B3GLCT: variants seen among roughly 807,000 people sequenced by gnomAD.
B3GLCT encodes the protein beta-1,3-glucosyltransferase.
In B3GLCT, 65 loss-of-function variants were observed where a neutral mutation model predicts 63.4. The ratio of observed to expected loss-of-function variants is 1.03; its 90% CI spans 0.84 to 1.26. The LOEUF (loss-of-function observed/expected upper bound fraction) is 1.26, where lower values mean the gene tolerates loss of function less well. B3GLCT is among the 50% of genes most tolerant of loss of function. The probability of loss-of-function intolerance (pLI) is 0.00; values close to 1 mark genes in which losing one functional copy is unlikely to be tolerated. For synonymous variants in B3GLCT, 233 were observed against 219.2 expected (o/e 1.06, Z -0.55); for missense variants, 577 against 604.8 (o/e 0.95, Z 0.48).
intron 9 of B3GLCT, among the ~76,000 whole-genome samples, 154 bp from the exon 10 acceptor site, chr13:31,276,546 CTA>C (rs1457508915): frequency 2.0e-5 from 3 of 152,010 alleles, no homozygotes; most frequent in Non-Finnish European, 4.4e-5. Context: ...GTCAGCTGAC[CTA>C]TGTTTCCATT....
chr13:31,233,406 A>T (rs563123326), intron 4 of B3GLCT, among the ~76,000 whole-genome samples: 4 of 152,262 alleles, frequency 2.6e-5, no homozygotes, highest in African/African-American at 9.6e-5. Flanking sequence ...AAGAAGATGG[A>T]AATCCTTCAG....
At chr13:31,316,909 G>A (rs1875066176) in intron 12 of B3GLCT, among the ~76,000 whole-genome samples, 1 of 152,164 alleles carries the variant, frequency 6.6e-6, no homozygotes, top group South Asian at 2.1e-4. Flanking sequence ...GTAAGCTGTT[G>A]TTGGTAATGT....
intron 3 of B3GLCT, among the ~76,000 whole-genome samples, chr13:31,224,720 G>A (rs570438281): frequency 1.3e-5 from 2 of 152,294 alleles, no homozygotes; most frequent in African/African-American, 2.4e-5. Context: ...CCCGCTTTGT[G>A]TGTGTGTGTT....
At chr13:31,311,582 T>A (rs1329515503) in intron 12 of B3GLCT, 1 of 152,252 alleles carries the variant, frequency 6.6e-6, no homozygotes, top group Non-Finnish European at 1.5e-5. Flanking sequence ...GTAAATTCAG[T>A]AGCCTAGAAA....
Position 31,330,545 on chromosome 13 carries a change from T to G in B3GLCT, c.*877T>G, listed in dbSNP as rs1452688532. The G allele has an allele frequency of 6.6e-6, 1 of 150,538 alleles. No homozygotes were observed. The highest frequency in any genetic ancestry group is 1.5e-5 in the Non-Finnish European group (1 of 67,526). 9.3% of individuals were successfully genotyped at this position (150,538 alleles called of 1,614,324 possible). A position where few individuals can be genotyped will look rare whatever the true frequency, so the allele number is the denominator to read the frequency against. ...GGACCTTATGTTTTACTCTTGTTTT[T>G]TTTTTTTTTTTAAATGTTACTTAAT... On this transcript the variant is annotated 3_prime_UTR_variant, in exon 15 of 15. Transcript: ENST00000343307.
In B3GLCT at chr13:31,254,294, G is replaced by A. The variant is rs189114135; in HGVS notation, c.459+6328G>A. ...CGAAGATCCTCAATGCTGGCAAATC[G>A]AATCCGGCAGCACATCAAAAAACTT... is the stretch of plus-strand genomic sequence containing the variant. On this transcript the variant is annotated intron_variant, in intron 6 of 14. Transcript: ENST00000343307. Among the ~76,000 whole-genome samples, 80 of 152,272 alleles carry A rather than the reference G, an allele frequency of 5.3e-4. 1 individual carries two copies. The highest frequency in any genetic ancestry group is 6.8e-3 in the Middle Eastern group (2 of 292).
intron 14 of B3GLCT, among the ~76,000 whole-genome samples, chr13:31,329,109 C>T (rs188141086): frequency 3.3e-5 from 5 of 152,270 alleles, no homozygotes; most frequent in African/African-American, 1.2e-4. Context: ...CCCAGCCCCC[C>T]ACAACAAACT....
chr13:31,235,835 C>G (rs1870622456), intron 4 of B3GLCT, among the ~76,000 whole-genome samples: 1 of 152,168 alleles, frequency 6.6e-6, no homozygotes, highest in African/African-American at 2.4e-5. Context: ...CTCCCTACCC[C>G]AACCCCTGGC....
At chr13:31,279,528 AG>A (rs755257490) in intron 10 of B3GLCT, among the ~76,000 whole-genome samples, 5 of 152,168 alleles carry the variant, frequency 3.3e-5, no homozygotes, top group Non-Finnish European at 7.4e-5. Flanking sequence ...GATTTTCAAA[AG>A]GGGAGGGAGT....
intron 14 of B3GLCT, among the ~76,000 whole-genome samples, chr13:31,328,894 T>C (rs1338517606): frequency 6.6e-6 from 1 of 152,122 alleles, no homozygotes; most frequent in African/African-American, 2.4e-5. Context: ...TATAAAAACT[T>C]TTTAGGTCCT....
In B3GLCT at chr13:31,323,127, C is replaced by T. The variant is rs559547574; in HGVS notation, c.1185-624C>T. Among the ~76,000 whole-genome samples the T allele has an allele frequency of 1.1e-4, 16 of 152,276 alleles. No homozygotes were observed. In the South Asian group the frequency reaches 2.9e-3, roughly 28 times the overall value. Reference sequence around the variant, plus strand: ...GCAGGGGACGGAGGAGGGGGTTGGCCACTAGCATTAGGTAAAACTGCTGAA... The same window carrying T: ...GCAGGGGACGGAGGAGGGGGTTGGCTACTAGCATTAGGTAAAACTGCTGAA... On this transcript the variant is annotated intron_variant, in intron 13 of 14. Transcript: ENST00000343307.
chr13:31,300,685 T>C (rs1025449731), intron 12 of B3GLCT, among the ~76,000 whole-genome samples: 6 of 152,124 alleles, frequency 3.9e-5, no homozygotes, highest in Non-Finnish European at 5.9e-5. Context: ...GTGGGTTCAG[T>C]TGGTTACCAG....
intron 3 of B3GLCT, 149 bp downstream of exon 3, chr13:31,223,140 T>C (rs1869909167): frequency 1.6e-6 from 1 of 634,454 alleles, no homozygotes; most frequent in Admixed American, 2.5e-5. Context: ...TAACGTTTGC[T>C]CTCCTGAAGA....
At chr13:31,256,911 TAA>T (rs35174736) in intron 6 of B3GLCT, among the ~76,000 whole-genome samples, 40 of 147,034 alleles carry the variant, frequency 2.7e-4, no homozygotes, top group East Asian at 1.6e-3. Context: ...CCCCAGAACT[TAA>T]AAAAAAAAAA....
chr13:31,313,118 G>A (rs1874808462), intron 12 of B3GLCT, among the ~76,000 whole-genome samples: 1 of 152,152 alleles, frequency 6.6e-6, no homozygotes, highest in Admixed American at 6.5e-5. Context: ...TTCAGCTTTA[G>A]CTTTATTAGC....
intron 4 of B3GLCT, among the ~76,000 whole-genome samples, chr13:31,233,879 A>G (rs577248248): frequency 1.4e-4 from 22 of 152,274 alleles, no homozygotes; most frequent in African/African-American, 5.3e-4. Flanking sequence ...CCTCTCATTC[A>G]TTCTTTTGGT....
In B3GLCT at chr13:31,320,051, A is replaced by T. The variant is rs1012037455; in HGVS notation, c.1184+2366A>T. ...CTCAGCCAGGTCACTGTCATATCCTATATGAGCTCCTGCCACAGCCTCCTG... is the reference window on the plus strand; with the variant it reads ...CTCAGCCAGGTCACTGTCATATCCTTTATGAGCTCCTGCCACAGCCTCCTG... On this transcript the variant is annotated intron_variant, in intron 13 of 14. Transcript: ENST00000343307. 9.2e-5 allele frequency among the ~76,000 whole-genome samples: 14 copies of T among 152,178 alleles called. No homozygotes were observed. The East Asian group carries it at 1.4e-3, about 15-fold the overall frequency.
intron 4 of B3GLCT, among the ~76,000 whole-genome samples, chr13:31,243,764 C>T (rs776067422): frequency 1.3e-5 from 2 of 152,150 alleles, no homozygotes; most frequent in Non-Finnish European, 2.9e-5. Flanking sequence ...AAGGAAGTAC[C>T]GACTGAAAGT....
intron 4 of B3GLCT, among the ~76,000 whole-genome samples, chr13:31,233,950 G>A (rs1030489807): frequency 1.3e-5 from 2 of 151,972 alleles, no homozygotes; most frequent in Admixed American, 6.6e-5. Context: ...ACATAGTCTT[G>A]GTACTTGAAG....
Sources: gnomAD v4.1 joint callset for allele counts (sites outside exome capture counted in the v4.1 genomes callset) on GRCh38, gnomAD v4.1.1 for gene constraint, MANE v1.5 for transcripts, NCBI Gene and HGNC (gene_info 2026-07-23, HGNC 2026-07-21) for gene names.